Variants in SOX5 observed in about 807,000 individuals in gnomAD.
The protein encoded by SOX5 is SRY-box transcription factor 5, also known as transcription factor SOX-5.
Under a neutral mutation model 92.0 loss-of-function variants are expected in SOX5, and 9 were observed. The ratio of observed to expected loss-of-function variants is 0.10; its 90% CI spans 0.06 to 0.17. The LOEUF is 0.17. Among genes scored for constraint, SOX5 ranks in the 10% least tolerant of loss-of-function variants. The probability of loss-of-function intolerance (pLI) is 1.00; values close to 1 mark genes in which losing one functional copy is unlikely to be tolerated. For missense variants in SOX5, 642 were observed against 944.5 expected, an observed-to-expected ratio of 0.68 and a Z score of 4.20; for synonymous variants, 344 against 336.3, an observed-to-expected ratio of 1.02 and a Z score of -0.25.
At chr12:24,257,476 TG>T (rs1032557263) in intron 3 of SOX5, among the ~76,000 whole-genome samples, 63 of 72,986 alleles carry the variant, frequency 8.6e-4, no homozygotes, top group African/African-American at 1.9e-3. Flanking sequence ...TGTTTTGTTT[TG>T]TTTTTTTCTG....
In SOX5 at chr12:23,718,919, T is replaced by C. The variant is rs187595151; in HGVS notation, c.810+15765A>G. Among the ~76,000 whole-genome samples the C allele has an allele frequency of 6.0e-4, 92 of 152,266 alleles. 2 individuals are homozygous for C. Among genetic ancestry groups the C allele is most frequent in the African/African-American group, 1.9e-3 (79 of 41,560 alleles). ...CCTCTTTGCAATTTTAGATAAAATA[T>C]AAAATTCTAGGGATTTGATCAGAGA... On this transcript the variant is annotated intron_variant, in intron 6 of 14. Coordinates refer to ENST00000451604, the MANE Select transcript of SOX5 (RefSeq NM_006940.6).
At chr12:23,780,953 G>C (rs1408251828) in intron 3 of SOX5, among the ~76,000 whole-genome samples, 1 of 151,972 alleles carries the variant, frequency 6.6e-6, no homozygotes, top group Non-Finnish European at 1.5e-5. Flanking sequence ...TTCTGAAAGG[G>C]AGGAAGAATC....
At chr12:23,719,026 C>A (rs2092666992) in intron 6 of SOX5, among the ~76,000 whole-genome samples, 3 of 152,160 alleles carry the variant, frequency 2.0e-5, no homozygotes, top group Admixed American at 2.0e-4. Flanking sequence ...TTATAGCATA[C>A]ATGGTTTTGA....
At chr12:23,895,207 GC>G (rs1408229257) in intron 2 of SOX5, among the ~76,000 whole-genome samples, 2 of 65,324 alleles carry the variant, frequency 3.1e-5, no homozygotes, top group Non-Finnish European at 3.5e-5. Flanking sequence ...AGAATAGGAT[GC>G]AAAAAAAAAA....
intron 4 of SOX5, among the ~76,000 whole-genome samples, chr12:23,973,578 T>C (rs538379735): frequency 1.2e-4 from 19 of 152,328 alleles, no homozygotes; most frequent in African/African-American, 4.6e-4. Flanking sequence ...TTCTGTTTTG[T>C]AAATATACAG....
At chr12:23,847,147 TCTTA>T (rs755401620) in intron 2 of SOX5, among the ~76,000 whole-genome samples, 18 of 152,208 alleles carry the variant, frequency 1.2e-4, no homozygotes, top group Admixed American at 3.9e-4. Context: ...AAATTAATTT[TCTTA>T]CTTAAAGATT....
chr12:24,397,735 A>G (rs892933296), intron 1 of SOX5, among the ~76,000 whole-genome samples: 1 of 152,108 alleles, frequency 6.6e-6, no homozygotes, highest in Non-Finnish European at 1.5e-5. Flanking sequence ...CCAGAAAAAA[A>G]ATAGATTCAT....
chr12:23,900,286 C>G (rs997207390), intron 1 of SOX5, among the ~76,000 whole-genome samples: 1 of 152,076 alleles, frequency 6.6e-6, no homozygotes, highest in Non-Finnish European at 1.5e-5. Flanking sequence ...CCTTTACTTC[C>G]CCTTGTAGCA....
At chr12:24,485,330 G>T (rs1946408039) in intron 1 of SOX5, among the ~76,000 whole-genome samples, 1 of 152,164 alleles carries the variant, frequency 6.6e-6, no homozygotes, top group African/African-American at 2.4e-5. Context: ...TATCTTGGAA[G>T]CTATTAAAAA....
At position 23,651,305 on chromosome 12, in the gene SOX5, A is replaced by G. The variant is rs564421533; in HGVS notation, c.932-10408T>C. On this transcript the variant is annotated intron_variant, in intron 7 of 14. Transcript: ENST00000451604. ...CTTTAGGGTAGAAATTATTATTCCC[A>G]TTCTACACAATTTTTTAAACTGGCC... Among the ~76,000 whole-genome samples the G allele has an allele frequency of 1.5e-3, 229 of 152,136 alleles. 1 individual carries two copies. The highest frequency in any genetic ancestry group is 5.2e-3 in the African/African-American group (218 of 41,542).
intron 2 of SOX5, among the ~76,000 whole-genome samples, chr12:24,290,768 T>C (rs11047355): frequency 0.36 from 54,818 of 152,082 alleles, 10,142 homozygotes; most frequent in Admixed American, 0.41. Flanking sequence ...TGTTGGAGTA[T>C]GCACAGGAAG....
chr12:23,793,146 A>G (rs924059517), intron 3 of SOX5, among the ~76,000 whole-genome samples: 2 of 152,234 alleles, frequency 1.3e-5, no homozygotes, highest in African/African-American at 4.8e-5. Flanking sequence ...TTCTCCTCAT[A>G]TGAAAATAAG....
At chr12:24,427,408 T>G (rs962797016) in intron 1 of SOX5, among the ~76,000 whole-genome samples, 1 of 152,180 alleles carries the variant, frequency 6.6e-6, no homozygotes, top group Non-Finnish European at 1.5e-5. Flanking sequence ...TTGAGGATAA[T>G]AGCAAATTTT....
intron 1 of SOX5, among the ~76,000 whole-genome samples, chr12:24,433,553 T>G (rs1938791259): frequency 6.6e-6 from 1 of 152,162 alleles, no homozygotes; most frequent in African/African-American, 2.4e-5. Context: ...ATGTTGTAAA[T>G]GTAAAACAGG....
At chr12:24,440,103 G>A (rs973373194) in intron 1 of SOX5, among the ~76,000 whole-genome samples, 1 of 152,098 alleles carries the variant, frequency 6.6e-6, no homozygotes, top group African/African-American at 2.4e-5. Flanking sequence ...TGAGGAGAAG[G>A]GGGAGAAGTA....
At chr12:23,837,237 T>C (rs2096432871) in intron 3 of SOX5, among the ~76,000 whole-genome samples, 1 of 80,562 alleles carries the variant, frequency 1.2e-5, no homozygotes, top group Non-Finnish European at 3.1e-5. Flanking sequence ...AATATATATT[T>C]ATATAATATA....
chr12:23,613,625 G>A (rs1159884637), intron 8 of SOX5, among the ~76,000 whole-genome samples: 2 of 152,124 alleles, frequency 1.3e-5, no homozygotes, highest in Non-Finnish European at 2.9e-5. Flanking sequence ...GTCCACTGAT[G>A]GATGAATGGA....
chr12:24,290,132 T>TA, intron 2 of SOX5, among the ~76,000 whole-genome samples: 1 of 152,228 alleles, frequency 6.6e-6, no homozygotes, highest in South Asian at 2.1e-4. Context: ...AAAAATAGGG[T>TA]AAAAATCTCA....
At chr12:23,762,545 C>T (rs922329624) in intron 3 of SOX5, 22 of 525,140 alleles carry the variant, frequency 4.2e-5, no homozygotes, top group African/African-American at 2.4e-4. Context: ...AAATACTTTA[C>T]GTTTAGTATT....
Sources: gnomAD v4.1 joint callset for allele counts (sites outside exome capture counted in the v4.1 genomes callset) on GRCh38, gnomAD v4.1.1 for gene constraint, MANE v1.5 for transcripts, NCBI Gene and HGNC (gene_info 2026-07-23, HGNC 2026-07-21) for gene names.